CFAP43: variants seen among roughly 807,000 people sequenced by gnomAD.
The protein encoded by CFAP43 is cilia- and flagella-associated protein 43.
In CFAP43, 155 loss-of-function variants were observed where a neutral mutation model predicts 218.9. The ratio of observed to expected loss-of-function variants is 0.71; its 90% CI spans 0.62 to 0.81. The LOEUF (loss-of-function observed/expected upper bound fraction) is 0.81, where lower values mean the gene tolerates loss of function less well. CFAP43 is among the 30% of genes least tolerant of loss of function. CFAP43 has a pLI of 0.00. For missense variants in CFAP43, 1,778 were observed against 1,954.3 expected (o/e 0.91, Z 1.70); for synonymous variants, 645 against 681.3 (o/e 0.95, Z 0.83).
rs569427974 is a variant in CFAP43 at position 104,144,046 on chromosome 10, T to C, written c.3945-407A>G. 2.6e-5 allele frequency among the ~76,000 whole-genome samples: 4 copies of C among 152,324 alleles called. No homozygotes were observed. The East Asian group carries it at 5.8e-4, about 22-fold the overall frequency. ...ATCTACATTAATAGATTAGTTTCATTTCCCTGTGCTTCAGCTGGAAAGGGA... is the reference window on the plus strand; with the variant it reads ...ATCTACATTAATAGATTAGTTTCATCTCCCTGTGCTTCAGCTGGAAAGGGA... On this transcript the variant is annotated intron_variant, in intron 31 of 37. Transcript: ENST00000357060.
intron 32 of CFAP43, among the ~76,000 whole-genome samples, chr10:104,143,157 G>C (rs1406805367): frequency 1.3e-5 from 2 of 152,116 alleles, no homozygotes; most frequent in Non-Finnish European, 2.9e-5. Context: ...ATCTCAGTTA[G>C]GACTGGCAAT....
chr10:104,193,839 C>T, intron 11 of CFAP43, 27 bp downstream of exon 11: 1 of 1,606,246 alleles, frequency 6.2e-7, no homozygotes, highest in Non-Finnish European at 8.5e-7. Context: ...TGACACGGAG[C>T]CGCTCCTGGA....
chr10:104,219,835 T>C (rs909037794), intron 3 of CFAP43, among the ~76,000 whole-genome samples: 84 of 152,348 alleles, frequency 5.5e-4, no homozygotes, highest in African/African-American at 1.9e-3. Flanking sequence ...TTCTACTTCA[T>C]GGCCTTTGCA....
chr10:104,157,769 T>TGAGAGAGAGA (rs1222414009), intron 27 of CFAP43, among the ~76,000 whole-genome samples: 1 of 109,676 alleles, frequency 9.1e-6, no homozygotes, highest in African/African-American at 3.9e-5. Context: ...TGTGTGTGTG[T>TGAGAGAGAGA]GTGTGTGAGA....
intron 28 of CFAP43, among the ~76,000 whole-genome samples, chr10:104,152,182 A>T (rs985253758): frequency 6.6e-6 from 1 of 152,202 alleles, no homozygotes; most frequent in Non-Finnish European, 1.5e-5. Flanking sequence ...CTCTACCCTC[A>T]TGGAGCATCT....
intron 3 of CFAP43, among the ~76,000 whole-genome samples, chr10:104,225,166 GTTTTT>G (rs368367674): frequency 5.3e-4 from 80 of 151,766 alleles, no homozygotes; most frequent in African/African-American, 1.9e-3. Flanking sequence ...GATGCCATTT[GTTTTT>G]TTTAAGTGAA....
chr10:104,208,658 T>C (rs1313627944), intron 5 of CFAP43, among the ~76,000 whole-genome samples: 1 of 152,218 alleles, frequency 6.6e-6, no homozygotes, highest in Non-Finnish European at 1.5e-5. Flanking sequence ...TCAGAAATCA[T>C]TTTGATCACA....
At chr10:104,164,622 T>A (rs1433794754) in intron 23 of CFAP43, among the ~76,000 whole-genome samples, 1 of 152,128 alleles carries the variant, frequency 6.6e-6, no homozygotes, top group Non-Finnish European at 1.5e-5. Context: ...ATGGTCTTGA[T>A]CTCCTGACCT....
chr10:104,203,862 C>T, intron 7 of CFAP43, 59 bp from the exon 8 acceptor site: 2 of 1,451,910 alleles, frequency 1.4e-6, no homozygotes, highest in Admixed American at 4.7e-5. Flanking sequence ...AGTATACTTG[C>T]CTCATCAGAC....
intron 21 of CFAP43, among the ~76,000 whole-genome samples, chr10:104,168,168 G>A (rs1287391097): frequency 2.0e-5 from 3 of 152,174 alleles, no homozygotes; most frequent in African/African-American, 4.8e-5. Flanking sequence ...AAAATGTATG[G>A]CTCATGAGGA....
intron 11 of CFAP43, 73 bp from the exon 12 acceptor site, chr10:104,192,375 G>A (rs2090254572): frequency 8.9e-7 from 1 of 1,123,790 alleles, no homozygotes; most frequent in Admixed American, 1.8e-5. Context: ...TTTATTGAAT[G>A]GCCACAGAGA....
chr10:104,167,172 G>A (rs1235722262), intron 22 of CFAP43, among the ~76,000 whole-genome samples: 1 of 152,174 alleles, frequency 6.6e-6, no homozygotes, highest in Admixed American at 6.5e-5. Flanking sequence ...CTACACTGAA[G>A]GGCAGTGTTT....
At chr10:104,148,786 T>C (rs2088106788) in intron 28 of CFAP43, among the ~76,000 whole-genome samples, 1 of 152,236 alleles carries the variant, frequency 6.6e-6, no homozygotes, top group Non-Finnish European at 1.5e-5. Context: ...CTTTTCTTTA[T>C]AAATTATGCA....
chr10:104,130,225 T>C lies in CFAP43; in HGVS notation c.4912A>G (p.Lys1638Glu). The change falls in exon 38 of 38, where the codon AAA (lysine) becomes GAA (glutamate). Residue 1638 changes from lysine (K) to glutamate (E), a missense_variant. Around this residue, in one of 3 missense-constraint regions of CFAP43, gnomAD observed 211 missense variants for 230.6 expected, o/e 0.91. Transcript: ENST00000357060. The part of the protein sequence containing the change: ...MQQQKLTNIS[K>E]QQAEQISILQ... ...ATTGAAATCTGTTCAGCTTGTTGTT[T>C]TGAAATATTTGTTAACTTCTGCTGT... is the stretch of plus-strand genomic sequence containing the variant. The C allele has an allele frequency of 1.2e-6, 2 of 1,613,290 alleles. No homozygotes were observed. Among genetic ancestry groups the C allele is most frequent in the Non-Finnish European group, 1.7e-6 (2 of 1,179,858 alleles).
intron 8 of CFAP43, among the ~76,000 whole-genome samples, chr10:104,201,197 T>G (rs2090524883): frequency 6.6e-6 from 1 of 152,212 alleles, no homozygotes; most frequent in African/African-American, 2.4e-5. Flanking sequence ...ATTTAATATT[T>G]TATTATTCTG....
chr10:104,207,965 A>T (rs935482721), intron 5 of CFAP43, 141 bp from the exon 6 acceptor site: 20 of 771,440 alleles, frequency 2.6e-5, no homozygotes, highest in Non-Finnish European at 3.5e-5. Flanking sequence ...AGCATTCATC[A>T]TAATAATTTT....
At chr10:104,222,600 C>T (rs1490125274) in intron 3 of CFAP43, among the ~76,000 whole-genome samples, 1 of 152,186 alleles carries the variant, frequency 6.6e-6, no homozygotes, top group Non-Finnish European at 1.5e-5. Flanking sequence ...ACTCCTGCCC[C>T]CTTGTCTCTC....
At chr10:104,218,824 TCTA>T (rs1480199130) in intron 3 of CFAP43, 3 of 544,324 alleles carry the variant, frequency 5.5e-6, no homozygotes, top group Non-Finnish European at 7.5e-6. Flanking sequence ...TGCCCTCATC[TCTA>T]CTATTTAACC....
At position 104,133,688 on chromosome 10, in the gene CFAP43, C is replaced by T; in HGVS notation, c.4528G>A (p.Glu1510Lys). Residue 1510 changes from glutamate to lysine, a missense_variant, in exon 35 of 38, where the codon GAA (glutamate) becomes AAA (lysine). Physicochemically the swap from Glu to Lys is moderately conservative, Grantham distance 56. Coordinates refer to ENST00000357060, the MANE Select transcript of CFAP43 (RefSeq NM_025145.7). ...IEWEHKKMEM[E>K]REDLNQKAWD... ...GCCTTCTGATTTAGATCTTCCCTTT[C>T]CATCTCCATTTTCTTATGTTCCCAC... The T allele has an allele frequency of 6.2e-7, 1 of 1,613,496 alleles. No homozygotes were observed. The highest frequency in any genetic ancestry group is 1.1e-5 in the South Asian group (1 of 91,044).
Sources: allele counts gnomAD v4.1 joint callset (sites outside exome capture counted in the v4.1 genomes callset), GRCh38; gene constraint gnomAD v4.1.1; regional missense constraint gnomAD v4.1.1; transcripts MANE v1.5; gene names NCBI Gene and HGNC (gene_info 2026-07-23, HGNC 2026-07-21).